PUM1: variants seen among roughly 807,000 people sequenced by gnomAD.
PUM1 encodes pumilio RNA binding family member 1, also known as pumilio homolog 1.
Under a neutral mutation model 131.8 loss-of-function variants are expected in PUM1, and 13 were observed. The ratio of observed to expected loss-of-function variants is 0.10; its 90% CI spans 0.06 to 0.16. The LOEUF (loss-of-function observed/expected upper bound fraction) is 0.16, where lower values mean the gene tolerates loss of function less well. PUM1 is among the 10% of genes least tolerant of loss of function. The pLI, the probability that PUM1 is intolerant of heterozygous loss-of-function variation, is 1.00. For missense variants in PUM1, 961 were observed against 1,512.4 expected, an observed-to-expected ratio of 0.64 and a Z score of 6.05; for synonymous variants, 509 against 556.5, an observed-to-expected ratio of 0.91 and a Z score of 1.20.
intron 2 of PUM1, among the ~76,000 whole-genome samples, chr1:31,057,405 C>CAAAAAAA (rs1223950994): frequency 1.7e-4 from 12 of 68,572 alleles, no homozygotes; most frequent in Non-Finnish European, 2.1e-4. Flanking sequence ...GACCTTGTCT[C>CAAAAAAA]AAAAAAAAAA....
intron 2 of PUM1, among the ~76,000 whole-genome samples, chr1:31,034,638 T>C (rs947927791): frequency 6.6e-6 from 1 of 152,212 alleles, no homozygotes; most frequent in Non-Finnish European, 1.5e-5. Flanking sequence ...AGCCCACATA[T>C]ATATTTCTTG....
At chr1:30,952,482 A>G in intron 15 of PUM1, 119 bp from the exon 16 acceptor site, 1 of 1,444,982 alleles carries the variant, frequency 6.9e-7, no homozygotes, top group Non-Finnish European at 9.4e-7. Context: ...ATGTGTGCAC[A>G]CACATGCACA....
chr1:30,939,956 C>T lies in PUM1; in HGVS notation c.3242+1195G>A, dbSNP rs1220297389. 6.6e-5 allele frequency among the ~76,000 whole-genome samples: 10 copies of T among 152,010 alleles called. No homozygotes were observed. In the East Asian group the frequency reaches 1.7e-3, roughly 26 times the overall value. ...AGGGTGAGAAATTAAATACTGTGAACAAAAATGTAAACAGGAGACTGACCC... is the reference window on the plus strand; with the variant it reads ...AGGGTGAGAAATTAAATACTGTGAATAAAAATGTAAACAGGAGACTGACCC... On this transcript the variant is annotated intron_variant, in intron 20 of 21. Transcript: ENST00000426105.
chr1:30,968,475 G>T lies in PUM1; in HGVS notation c.1524C>A (p.Ala508=), dbSNP rs1411584431. 1 of 1,589,988 alleles carries T rather than the reference G, an allele frequency of 6.3e-7. No homozygotes were observed. The highest frequency in any genetic ancestry group is 8.5e-7 in the Non-Finnish European group (1 of 1,173,718). The stretch of plus-strand genomic sequence containing the variant: ...GGTTTGGGGTCAAAGGACGTTGGCT[G>T]GCTCCTCCACGGAGAACCTGGGAAA... ...QGQQQVLRGG[A]SQRPLTPNQN... is the part of the protein sequence containing the mutation. The change falls in exon 11 of 22, where the codon GCC becomes GCA. Residue 508 remains alanine, a synonymous_variant. Coordinates refer to ENST00000426105, the MANE Select transcript of PUM1 (RefSeq NM_001020658.2).
chr1:31,062,710 G>A (rs955809), intron 1 of PUM1, among the ~76,000 whole-genome samples: 104,710 of 151,730 alleles, frequency 0.69, 37,521 homozygotes, highest in East Asian at 0.87. Context: ...CAAAGCCATC[G>A]GCCTAACAGT....
At chr1:30,953,133 G>A (rs1019780398) in intron 15 of PUM1, among the ~76,000 whole-genome samples, 9 of 152,260 alleles carry the variant, frequency 5.9e-5, no homozygotes, top group Non-Finnish European at 1.0e-4. Flanking sequence ...TCAAATATGA[G>A]AAATTTTGGC....
intron 3 of PUM1, among the ~76,000 whole-genome samples, chr1:31,007,433 AACT>A (rs1642434499): frequency 6.6e-6 from 1 of 152,182 alleles, no homozygotes. Flanking sequence ...CCTATTAGCT[AACT>A]ACTAAGTGGA....
chr1:31,038,669 T>C (rs1643696819), intron 2 of PUM1, among the ~76,000 whole-genome samples: 2 of 152,090 alleles, frequency 1.3e-5, no homozygotes, highest in South Asian at 4.1e-4. Context: ...TATCCTTCTT[T>C]AAAACACGCA....
At position 30,971,964 on chromosome 1, in the gene PUM1, G is replaced by GA. The variant is rs565690793; in HGVS notation, c.1506+2686dup. On this transcript the variant is annotated intron_variant, in intron 10 of 21. Coordinates refer to ENST00000426105, the MANE Select transcript of PUM1 (RefSeq NM_001020658.2). ...CTTATCCACAAAGAGCAGTTATTAAGAAATTTATTTGCTAGGTGCAGTGGT... is the reference window on the plus strand; with the variant it reads ...CTTATCCACAAAGAGCAGTTATTAAGAAAATTTATTTGCTAGGTGCAGTGGT... Among the ~76,000 whole-genome samples, 191 of 152,106 alleles carry GA rather than the reference G, an allele frequency of 1.3e-3. 7 individuals are homozygous for GA. In the South Asian group the frequency reaches 0.039, roughly 31 times the overall value.
At chr1:30,967,925 A>G (rs571434600) in intron 11 of PUM1, among the ~76,000 whole-genome samples, 1 of 152,132 alleles carries the variant, frequency 6.6e-6, no homozygotes, top group African/African-American at 2.4e-5. Flanking sequence ...GCTAAAAAGG[A>G]CCCCTACTAT....
Position 30,980,112 on chromosome 1 carries a change from G to T in PUM1, c.1304C>A (p.Pro435His). 6.2e-7 allele frequency: 1 copy of T among 1,614,014 alleles called. No individual in the cohort carries two copies. Among genetic ancestry groups the T allele is most frequent in the Non-Finnish European group, 8.5e-7 (1 of 1,179,970 alleles). The change falls in exon 9 of 22, where the codon CCC becomes CAC. Residue 435 changes from proline to histidine, a missense_variant. Physicochemically the swap from Pro to His is moderately conservative, Grantham distance 77 (BLOSUM62 -2). Coordinates refer to ENST00000426105, the MANE Select transcript of PUM1 (RefSeq NM_001020658.2). The part of the protein sequence containing the change: ...VPNPYIISAA[P>H]PGTDPYTAGL... ...AGCTGTGTAGGGGTCCGTCCCTGGG[G>T]GAGCAGCGCTGATGATGTATGGATT... is the stretch of plus-strand genomic sequence containing the variant.
rs79171326 is a variant in PUM1 at position 31,043,697 on chromosome 1, C to T, written c.364-14833G>A. ...GGAGCTCACTGAAAACACCTGTTCT[C>T]TACAGTTTAAGCACTCCTCTTCCCG... On this transcript the variant is annotated intron_variant, in intron 2 of 21. Coordinates refer to ENST00000426105, the MANE Select transcript of PUM1 (RefSeq NM_001020658.2). 3.9e-4 allele frequency among the ~76,000 whole-genome samples: 60 copies of T among 152,266 alleles called. 3 individuals carry two copies. The East Asian group carries it at 0.012, about 29-fold the overall frequency.
intron 3 of PUM1, among the ~76,000 whole-genome samples, chr1:31,009,767 CAAAAAAAAAAAA>C (rs751375199): frequency 7.3e-5 from 4 of 54,666 alleles, no homozygotes; most frequent in Admixed American, 2.2e-4. Context: ...GACTCTGTCT[CAAAAAAAAAAAA>C]AAAAAAAACA....
At chr1:30,935,499 CTGAA>C (rs1276757134) in intron 21 of PUM1, among the ~76,000 whole-genome samples, 2 of 152,292 alleles carry the variant, frequency 1.3e-5, no homozygotes, top group African/African-American at 2.4e-5. Context: ...GTGTTTAGCA[CTGAA>C]TGAATGAATG....
Position 31,005,331 on chromosome 1 carries a change from AG to A in PUM1, c.720+521del, listed in dbSNP as rs146986938. ...AGAATCCCTAATTTCTTGACAGGCC[AG>A]GTGTGAGAAACAAAGCCGTTCAAGG... On this transcript the variant is annotated intron_variant, in intron 5 of 21. Coordinates refer to ENST00000426105, the MANE Select transcript of PUM1 (RefSeq NM_001020658.2). 4.3e-3 allele frequency among the ~76,000 whole-genome samples: 648 copies of A among 152,328 alleles called. 6 individuals are homozygous for A. The highest frequency in any genetic ancestry group is 0.015 in the African/African-American group (619 of 41,588).
chr1:31,016,178 A>G (rs1642811260), intron 3 of PUM1, among the ~76,000 whole-genome samples: 1 of 152,214 alleles, frequency 6.6e-6, no homozygotes, highest in Non-Finnish European at 1.5e-5. Context: ...ATCATTTCAG[A>G]TTTCACGTTT....
intron 2 of PUM1, 140 bp from the exon 3 acceptor site, chr1:31,029,004 G>C: frequency 1.5e-6 from 1 of 684,034 alleles, no homozygotes; most frequent in South Asian, 1.7e-5. Flanking sequence ...GTGACTAAGA[G>C]ATTAAACATT....
intron 3 of PUM1, among the ~76,000 whole-genome samples, chr1:31,014,338 G>A (rs985494170): frequency 1.0e-4 from 15 of 148,710 alleles, no homozygotes; most frequent in African/African-American, 3.7e-4. Context: ...CATTCAAAGT[G>A]CTTGTAAAAA....
chr1:30,990,099 G>C (rs1024878210), intron 7 of PUM1, among the ~76,000 whole-genome samples: 1 of 152,240 alleles, frequency 6.6e-6, no homozygotes, highest in African/African-American at 2.4e-5. Flanking sequence ...AGTTCTCAAA[G>C]AGTAGCCTCC....
Sources: allele counts gnomAD v4.1 joint callset (sites outside exome capture counted in the v4.1 genomes callset), GRCh38; gene constraint gnomAD v4.1.1; transcripts MANE v1.5; gene names NCBI Gene and HGNC (gene_info 2026-07-23, HGNC 2026-07-21).